The following PDE10A variants were observed in gnomAD, a reference collection of about 807,000 sequenced individuals.
The protein encoded by PDE10A is phosphodiesterase 10A, also known as cAMP and cAMP-inhibited cGMP 3',5'-cyclic phosphodiesterase 10A.
PDE10A carries 39 observed loss-of-function variants against 97.7 expected under a neutral mutation model. The ratio of observed to expected loss-of-function variants is 0.40; its 90% CI spans 0.31 to 0.52. The LOEUF is 0.52. PDE10A is among the 20% of genes least tolerant of loss of function. PDE10A has a pLI of 0.56. For missense variants in PDE10A, 731 were observed against 1,047.8 expected, an observed-to-expected ratio of 0.70 and a Z score of 4.17; for synonymous variants, 371 against 376.8, an observed-to-expected ratio of 0.98 and a Z score of 0.18.
intron 11 of PDE10A, among the ~76,000 whole-genome samples, chr6:165,417,149 A>G (rs78354386): frequency 0.012 from 1,852 of 152,356 alleles, 16 homozygotes; most frequent in Non-Finnish European, 0.02. Flanking sequence ...AGAAAAACTC[A>G]AAAGATAGTT....
intron 18 of PDE10A, among the ~76,000 whole-genome samples, chr6:165,362,934 C>T (rs1347240616): frequency 6.6e-6 from 1 of 152,086 alleles, no homozygotes; most frequent in East Asian, 1.9e-4. Context: ...ATCTAATGCA[C>T]CTTACTAATA....
intron 1 of PDE10A, among the ~76,000 whole-genome samples, chr6:165,803,402 G>A (rs1173353483): frequency 6.6e-6 from 1 of 152,152 alleles, no homozygotes; most frequent in East Asian, 1.9e-4. Flanking sequence ...CTACACTTTT[G>A]TGTCTCCATG....
intron 1 of PDE10A, among the ~76,000 whole-genome samples, chr6:165,645,460 C>A (rs1789346418): frequency 6.6e-6 from 1 of 152,100 alleles, no homozygotes; most frequent in African/African-American, 2.4e-5. Context: ...CTTCAGAGAA[C>A]CAGTGGAATC....
intron 1 of PDE10A, among the ~76,000 whole-genome samples, chr6:165,595,613 C>A (rs1017001752): frequency 1.3e-5 from 2 of 152,174 alleles, no homozygotes; most frequent in Admixed American, 6.5e-5. Flanking sequence ...CCAACTAATA[C>A]GTCTGTCTTG....
At chr6:165,935,022 T>C (rs1014338243) in intron 1 of PDE10A, among the ~76,000 whole-genome samples, 4 of 152,192 alleles carry the variant, frequency 2.6e-5, no homozygotes, top group African/African-American at 9.6e-5. Flanking sequence ...TCCATGAAGT[T>C]ACAAAGAATG....
intron 1 of PDE10A, among the ~76,000 whole-genome samples, chr6:165,734,089 T>C (rs1792504935): frequency 1.3e-5 from 2 of 152,124 alleles, no homozygotes; most frequent in South Asian, 2.1e-4. Context: ...AAAATGAACG[T>C]AGAAGGACCC....
chr6:165,582,429 T>C (rs1785666306), intron 1 of PDE10A, among the ~76,000 whole-genome samples: 1 of 152,200 alleles, frequency 6.6e-6, no homozygotes, highest in Non-Finnish European at 1.5e-5. Context: ...AACAGGACTG[T>C]ATTTCAAATT....
chr6:165,534,311 CAAA>C (rs71029552), intron 2 of PDE10A, among the ~76,000 whole-genome samples: 10 of 130,772 alleles, frequency 7.6e-5, no homozygotes, highest in East Asian at 2.3e-4. Context: ...AGTCTTCCAT[CAAA>C]AAAAAAAAAA....
intron 12 of PDE10A, among the ~76,000 whole-genome samples, chr6:165,414,948 G>C (rs1267332000): frequency 6.6e-6 from 1 of 152,152 alleles, no homozygotes; most frequent in African/African-American, 2.4e-5. Flanking sequence ...TGTGTTTGGT[G>C]ATCAGTTGTA....
intron 1 of PDE10A, among the ~76,000 whole-genome samples, chr6:165,827,461 G>A (rs1583156754): frequency 6.6e-6 from 1 of 152,150 alleles, no homozygotes; most frequent in East Asian, 1.9e-4. Flanking sequence ...AAAACGAACC[G>A]AGTATCCTCC....
At chr6:165,928,166 A>T (rs1019337936) in intron 1 of PDE10A, among the ~76,000 whole-genome samples, 18 of 152,138 alleles carry the variant, frequency 1.2e-4, no homozygotes, top group African/African-American at 4.1e-4. Context: ...CCCTAGCTTC[A>T]TCACACTCAG....
intron 13 of PDE10A, among the ~76,000 whole-genome samples, chr6:165,413,265 TTTC>T (rs544610057): frequency 0.013 from 1,975 of 152,328 alleles, 23 homozygotes; most frequent in Middle Eastern, 0.034. Context: ...TAACTTCATT[TTTC>T]TTCTTAACAA....
intron 2 of PDE10A, among the ~76,000 whole-genome samples, chr6:165,498,545 TTG>T (rs1780686629): frequency 1.3e-5 from 2 of 150,972 alleles, no homozygotes; most frequent in Non-Finnish European, 2.9e-5. Flanking sequence ...CCAGAATGTA[TTG>T]TTCACCTCCA....
intron 1 of PDE10A, among the ~76,000 whole-genome samples, chr6:165,618,819 G>A (rs367587582): frequency 5.9e-5 from 9 of 152,320 alleles, no homozygotes; most frequent in East Asian, 1.9e-4. Context: ...AAATGTGAGC[G>A]ATGAAATGTG....
At chr6:165,816,832 G>A (rs1046538500) in intron 1 of PDE10A, among the ~76,000 whole-genome samples, 11 of 152,170 alleles carry the variant, frequency 7.2e-5, no homozygotes, top group Non-Finnish European at 1.6e-4. Flanking sequence ...GGGCCGTAGA[G>A]CTTTTTCTGT....
chr6:165,357,149 G>A (rs1452049485), intron 18 of PDE10A, among the ~76,000 whole-genome samples: 1 of 152,090 alleles, frequency 6.6e-6, no homozygotes, highest in Non-Finnish European at 1.5e-5. Flanking sequence ...ATCATATGAT[G>A]TCTCTTCTTC....
At chr6:165,451,096 T>G (rs905320185) in intron 3 of PDE10A, among the ~76,000 whole-genome samples, 2 of 152,080 alleles carry the variant, frequency 1.3e-5, no homozygotes, top group East Asian at 3.9e-4. Context: ...ACTCTAACTT[T>G]CCATTCCTTT....
At chr6:165,359,590 G>GT (rs1783252783) in intron 18 of PDE10A, among the ~76,000 whole-genome samples, 1 of 151,906 alleles carries the variant, frequency 6.6e-6, no homozygotes, top group African/African-American at 2.4e-5. Context: ...ATCAATTTTT[G>GT]TTTAACACCT....
chr6:165,438,272 T>G (rs1416335820), intron 5 of PDE10A, among the ~76,000 whole-genome samples: 2 of 152,162 alleles, frequency 1.3e-5, no homozygotes, highest in Non-Finnish European at 2.9e-5. Context: ...CACTGCAACC[T>G]CCGCCTCCCA....
Sources: allele counts gnomAD v4.1 joint callset (sites outside exome capture counted in the v4.1 genomes callset), GRCh38; gene constraint gnomAD v4.1.1; transcripts MANE v1.5; gene names NCBI Gene and HGNC (gene_info 2026-07-23, HGNC 2026-07-21).